Variants in CEP85L observed in about 807,000 individuals in gnomAD.
CEP85L encodes centrosomal protein 85L.
CEP85L carries 60 observed loss-of-function variants against 100.3 expected under a neutral mutation model. That is an observed-to-expected ratio of 0.60 (90% confidence interval 0.49 to 0.74). CEP85L has a LOEUF of 0.74. Ranked by LOEUF, CEP85L falls within the 30% of genes least tolerant of loss-of-function variation. The pLI is 0.00. For missense variants in CEP85L, 973 were observed against 936.2 expected (o/e 1.04, Z -0.51); for synonymous variants, 319 against 322.7 (o/e 0.99, Z 0.12).
intron 2 of CEP85L, among the ~76,000 whole-genome samples, chr6:118,630,264 C>T (rs990220266): frequency 7.2e-5 from 11 of 152,186 alleles, no homozygotes; most frequent in African/African-American, 2.7e-4. Context: ...AGCCAATCAT[C>T]AGCATAAGTT....
At chr6:118,666,764 T>TAA (rs55786851) in intron 1 of CEP85L, among the ~76,000 whole-genome samples, 8 of 144,604 alleles carry the variant, frequency 5.5e-5, no homozygotes, top group Admixed American at 6.9e-5. Flanking sequence ...GGGATTAAGT[T>TAA]AAAAAAAAAA....
chr6:118,683,026 C>A (rs953043061), intron 1 of CEP85L, among the ~76,000 whole-genome samples: 2 of 152,126 alleles, frequency 1.3e-5, no homozygotes, highest in South Asian at 4.1e-4. Flanking sequence ...AAGTTTTTAT[C>A]AGGCATAACA....
chr6:118,652,465 T>A, upstream of CEP85L: 1 of 1,266,760 alleles, frequency 7.9e-7, no homozygotes, highest in Non-Finnish European at 1.0e-6. Context: ...GTATAAAAAA[T>A]TCTGGGCCAG....
At chr6:118,533,494 G>C (rs1376478024) in intron 3 of CEP85L, among the ~76,000 whole-genome samples, 3 of 151,942 alleles carry the variant, frequency 2.0e-5, no homozygotes, top group Non-Finnish European at 4.4e-5. Context: ...AAAATCTCTA[G>C]GTCCAAATTG....
chr6:118,566,638 C>T (rs1484698007), intron 2 of CEP85L, among the ~76,000 whole-genome samples: 1 of 152,112 alleles, frequency 6.6e-6, no homozygotes, highest in African/African-American at 2.4e-5. Context: ...AGGCTGGTCT[C>T]GAACTCCTGA....
At chr6:118,668,341 A>G (rs1349402917) in intron 1 of CEP85L, among the ~76,000 whole-genome samples, 1 of 152,248 alleles carries the variant, frequency 6.6e-6, no homozygotes, top group African/African-American at 2.4e-5. Context: ...CTGAAGTCCC[A>G]TAAGGTATGC....
At chr6:118,549,174 A>G (rs968083168) in intron 3 of CEP85L, among the ~76,000 whole-genome samples, 3 of 152,016 alleles carry the variant, frequency 2.0e-5, no homozygotes, top group African/African-American at 7.2e-5. Context: ...ATTCTTAACT[A>G]TCTTATTTTC....
At chr6:118,611,992 C>T (rs1772660762) in intron 2 of CEP85L, among the ~76,000 whole-genome samples, 1 of 152,100 alleles carries the variant, frequency 6.6e-6, no homozygotes, top group Non-Finnish European at 1.5e-5. Flanking sequence ...AAGATCTAAT[C>T]AACATTTATA....
At chr6:118,491,462 T>A (rs1312422597) in intron 6 of CEP85L, 4 of 1,262,256 alleles carry the variant, frequency 3.2e-6, no homozygotes, top group Non-Finnish European at 3.0e-6. Context: ...TTTAAAGATT[T>A]TACTATTTGT....
intron 12 of CEP85L, among the ~76,000 whole-genome samples, chr6:118,466,004 TAGTA>T (rs1772489805): frequency 6.6e-6 from 1 of 151,876 alleles, no homozygotes; most frequent in Non-Finnish European, 1.5e-5. Flanking sequence ...TTCAAATACA[TAGTA>T]AGTGTCACAC....
At chr6:118,564,099 C>T (rs974498621) in intron 3 of CEP85L, among the ~76,000 whole-genome samples, 4 of 151,788 alleles carry the variant, frequency 2.6e-5, no homozygotes, top group South Asian at 2.1e-4. Flanking sequence ...ACAAATTTAT[C>T]TCAACAGTGT....
intron 11 of CEP85L, among the ~76,000 whole-genome samples, chr6:118,469,782 T>G (rs1366166409): frequency 6.6e-6 from 1 of 152,092 alleles, no homozygotes; most frequent in Non-Finnish European, 1.5e-5. Flanking sequence ...TTGCATTTTT[T>G]GTAGAGAGAG....
intron 5 of CEP85L, chr6:118,502,963 T>C: frequency 3.3e-6 from 1 of 299,368 alleles, no homozygotes; most frequent in Non-Finnish European, 6.6e-6. Context: ...ATGTATTATG[T>C]ACATACTTTT....
rs1012484314 is a variant in CEP85L, at chr6:118,558,863, C to T, written c.1020+6666G>A. The T allele has an allele frequency of 5.1e-6, 7 of 1,367,854 alleles. No individual in the cohort carries two copies. The African/African-American group carries it at 8.6e-5, about 17-fold the overall frequency. The allele number at this position is 1,367,854 out of a possible 1,614,324, so 84.7% of individuals were successfully genotyped here. ...AGACAGTTATCTCATATTTGGCTGC[C>T]AGCTTTTTATCTTTCTCTCGACCAC... On this transcript the variant is annotated intron_variant, in intron 3 of 12. Transcript: ENST00000368491.
chr6:118,608,076 G>C (rs1044305009), intron 2 of CEP85L, among the ~76,000 whole-genome samples: 3 of 152,170 alleles, frequency 2.0e-5, no homozygotes, highest in African/African-American at 7.2e-5. Flanking sequence ...GAGCTCTTTA[G>C]GCACTAGAGA....
At chr6:118,519,828 G>A (rs1332418144) in intron 4 of CEP85L, among the ~76,000 whole-genome samples, 1 of 151,994 alleles carries the variant, frequency 6.6e-6, no homozygotes, top group Admixed American at 6.6e-5. Flanking sequence ...CCAACTCTAT[G>A]AGGCCAGCAT....
At chr6:118,534,470 T>C (rs1477626099) in intron 3 of CEP85L, among the ~76,000 whole-genome samples, 2 of 151,524 alleles carry the variant, frequency 1.3e-5, no homozygotes, top group East Asian at 2.0e-4. Flanking sequence ...CTGTCAAACA[T>C]GGCAAAACCC....
intron 3 of CEP85L, among the ~76,000 whole-genome samples, chr6:118,531,036 C>CTA (rs1408045801): frequency 1.3e-5 from 2 of 152,102 alleles, no homozygotes; most frequent in East Asian, 3.8e-4. Context: ...AAAAAACAGC[C>CTA]TGAATAGCCT....
At chr6:118,675,079 G>T (rs1401231408) in intron 1 of CEP85L, among the ~76,000 whole-genome samples, 1 of 151,942 alleles carries the variant, frequency 6.6e-6, no homozygotes, top group African/African-American at 2.4e-5. Flanking sequence ...CTCATAAATG[G>T]ATAAACAAAG....
Sources: allele counts gnomAD v4.1 joint callset (sites outside exome capture counted in the v4.1 genomes callset), GRCh38; gene constraint gnomAD v4.1.1; transcripts MANE v1.5; gene names NCBI Gene and HGNC (gene_info 2026-07-23, HGNC 2026-07-21).